The following ENOSF1 variants were observed in gnomAD, a reference collection of about 807,000 sequenced individuals.
ENOSF1 encodes enolase superfamily member 1.
ENOSF1 carries 73 observed loss-of-function variants against 68.2 expected under a neutral mutation model. That is an observed-to-expected ratio of 1.07 (90% CI 0.89 to 1.30). The LOEUF (loss-of-function observed/expected upper bound fraction) is 1.30, where lower values mean the gene tolerates loss of function less well. ENOSF1 is among the 50% of genes most tolerant of loss of function. The pLI is 0.00. For synonymous variants in ENOSF1, 223 were observed against 210.4 expected (o/e 1.06, Z -0.52); for missense variants, 589 against 554.5 (o/e 1.06, Z -0.62).
intron 11 of ENOSF1, among the ~76,000 whole-genome samples, chr18:682,146 C>T (rs1454925387): frequency 3.9e-5 from 6 of 152,282 alleles, no homozygotes; most frequent in East Asian, 1.9e-4. Flanking sequence ...AATGTACAGT[C>T]GTGTCACTGA....
At chr18:710,265 C>T (rs11874788) in intron 1 of ENOSF1, among the ~76,000 whole-genome samples, 19,511 of 152,148 alleles carry the variant, frequency 0.13, 1,340 homozygotes, top group East Asian at 0.25. Flanking sequence ...CATGCAACTA[C>T]GCCCAGCTAA....
At chr18:669,031 T>C, downstream of ENOSF1, 4 of 1,524,676 alleles carry the variant, frequency 2.6e-6, no homozygotes, top group Non-Finnish European at 3.6e-6. Flanking sequence ...ACATGTGTGA[T>C]TAATGTATGT....
At chr18:702,730 C>T (rs560654701) in intron 2 of ENOSF1, among the ~76,000 whole-genome samples, 8 of 151,832 alleles carry the variant, frequency 5.3e-5, no homozygotes, top group Non-Finnish European at 1.0e-4. Flanking sequence ...CAGAGCAAGA[C>T]CTTATCTCAA....
downstream of ENOSF1, among the ~76,000 whole-genome samples, chr18:667,982 A>G (rs1195839203): frequency 1.0e-5 from 1 of 97,480 alleles, no homozygotes; most frequent in African/African-American, 5.4e-5. Context: ...TGTTTTACAG[A>G]TTCACAGGAA....
At chr18:712,288 G>A in intron 1 of ENOSF1, 5 of 1,528,510 alleles carry the variant, frequency 3.3e-6, no homozygotes, top group South Asian at 2.4e-5. Flanking sequence ...GTTCGAAGTC[G>A]GGAAGCTGCC....
intron 11 of ENOSF1, among the ~76,000 whole-genome samples, chr18:681,048 G>A (rs190547885): frequency 1.8e-4 from 28 of 152,256 alleles, no homozygotes; most frequent in African/African-American, 6.7e-4. Context: ...TTTTAGTAGA[G>A]ACGAGGTTTC....
At chr18:666,189 G>A (rs1341238000), downstream of ENOSF1, among the ~76,000 whole-genome samples, 1 of 150,718 alleles carries the variant, frequency 6.6e-6, no homozygotes, top group Non-Finnish European at 1.5e-5. Context: ...CTTACTGGGC[G>A]CTTGGCACTT....
At chr18:700,035 A>G (rs554432228) in intron 2 of ENOSF1, among the ~76,000 whole-genome samples, 89 of 152,236 alleles carry the variant, frequency 5.8e-4, no homozygotes, top group Admixed American at 9.8e-4. Context: ...AGCCAAGACC[A>G]TGCCATTGCA....
rs1373371368 is a variant in ENOSF1, at chr18:697,228, T to C, written c.309+12A>G. 4.4e-6 allele frequency: 7 copies of C among 1,592,756 alleles called. No individual in the cohort carries two copies. The highest frequency in any genetic ancestry group is 2.2e-5 in the South Asian group (2 of 90,662). ...TTACTTATGTAAGCATTTTACAAAA[T>C]AGGTCCCTTACCCATCTGAGCTGCC... On this transcript the variant is annotated intron_variant, in intron 3 of 15. Coordinates refer to ENST00000647584, the MANE Select transcript of ENOSF1 (RefSeq NM_017512.7).
intron 2 of ENOSF1, among the ~76,000 whole-genome samples, chr18:702,181 T>C (rs866984292): frequency 1.3e-5 from 2 of 148,804 alleles, no homozygotes; most frequent in African/African-American, 5.0e-5. Context: ...GGAGAATCGC[T>C]TGAACCTGGG....
downstream of ENOSF1, among the ~76,000 whole-genome samples, chr18:667,074 T>G (rs1327079063): frequency 1.9e-5 from 1 of 53,240 alleles, no homozygotes; most frequent in Non-Finnish European, 3.3e-5. Flanking sequence ...GTGATGGTGA[T>G]GGAGATGGTG....
chr18:681,976 T>C (rs530811168), intron 11 of ENOSF1, among the ~76,000 whole-genome samples: 3 of 152,322 alleles, frequency 2.0e-5, no homozygotes, highest in African/African-American at 7.2e-5. Flanking sequence ...CATGAATTTA[T>C]GTGGGATGCA....
Position 673,125 on chromosome 18 carries a change from T to C in ENOSF1, c.*1180A>G, listed in dbSNP as rs538809790. ...AAAAATCTGTCCGTGACCTATCAGTTATTAATTTTTAAGGATGTTGCCACT... is the reference window on the plus strand; with the variant it reads ...AAAAATCTGTCCGTGACCTATCAGTCATTAATTTTTAAGGATGTTGCCACT... On this transcript the variant is annotated 3_prime_UTR_variant, in exon 16 of 16. Coordinates refer to ENST00000647584, the MANE Select transcript of ENOSF1 (RefSeq NM_017512.7). 94 of 1,060,076 alleles carry C rather than the reference T, an allele frequency of 8.9e-5. 2 individuals carry two copies. The South Asian group carries it at 2.4e-3, about 27-fold the overall frequency. The allele number at this position is 1,060,076 out of a possible 1,614,324, so 65.7% of individuals were successfully genotyped here. A position where few individuals can be genotyped will look rare whatever the true frequency, so the allele number is the denominator to read the frequency against.
Position 671,928 on chromosome 18 carries a change from T to TGA in ENOSF1, c.*2376_*2377insTC. On this transcript the variant is annotated 3_prime_UTR_variant, in exon 16 of 16. Coordinates refer to ENST00000647584, the MANE Select transcript of ENOSF1 (RefSeq NM_017512.7). ...CCAGGTAGCTGGGATTACAGGCACATGCCACCACACCCAGCTAATTTTTGT... is the reference window on the plus strand; with the variant it reads ...CCAGGTAGCTGGGATTACAGGCACATGAGCCACCACACCCAGCTAATTTTTGT... The TGA allele has an allele frequency of 6.0e-6, 1 of 167,058 alleles. No individual in the cohort carries two copies. Among genetic ancestry groups the TGA allele is most frequent in the Non-Finnish European group, 1.3e-5 (1 of 78,776 alleles). 10.3% of individuals were successfully genotyped at this position (167,058 alleles called of 1,614,324 possible).
At chr18:668,943 C>A, downstream of ENOSF1, 1 of 648,774 alleles carries the variant, frequency 1.5e-6, no homozygotes. Context: ...CAGGATGCAC[C>A]AGATGTCTTG....
At chr18:684,271 A>G (rs2076410157) in intron 10 of ENOSF1, among the ~76,000 whole-genome samples, 1 of 152,110 alleles carries the variant, frequency 6.6e-6, no homozygotes, top group Non-Finnish European at 1.5e-5. Flanking sequence ...CTGGGATTAC[A>G]GCCATGAGCC....
chr18:711,051 T>G (rs1031851693), intron 1 of ENOSF1, among the ~76,000 whole-genome samples: 1 of 152,132 alleles, frequency 6.6e-6, no homozygotes, highest in Non-Finnish European at 1.5e-5. Context: ...ACACCTGTAG[T>G]CCCAGCTACT....
intron 2 of ENOSF1, 90 bp downstream of exon 2, chr18:706,380 A>T: frequency 1.1e-6 from 1 of 895,276 alleles, no homozygotes; most frequent in Non-Finnish European, 1.9e-6. Flanking sequence ...AACTCAATCT[A>T]AATCAAGATT....
chr18:674,520 T>C, intron 15 of ENOSF1, 114 bp from the exon 16 acceptor site: 1 of 682,036 alleles, frequency 1.5e-6, no homozygotes, highest in Non-Finnish European at 2.4e-6. Context: ...AGGCAATTAA[T>C]TAATTTTTTT....
Sources: allele counts gnomAD v4.1 joint callset (sites outside exome capture counted in the v4.1 genomes callset), GRCh38; gene constraint gnomAD v4.1.1; transcripts MANE v1.5; gene names NCBI Gene and HGNC (gene_info 2026-07-23, HGNC 2026-07-21).